Variants in SHLD1 observed in about 807,000 individuals in gnomAD.
SHLD1 encodes shieldin complex subunit 1.
A neutral mutation model predicts 5.5 loss-of-function variants in SHLD1; 3 were observed. The observed-to-expected ratio is 0.54, with a 90% CI of 0.25 to 1.40. The LOEUF is 1.40. Ranked by LOEUF, SHLD1 falls within the 40% of genes most tolerant of loss-of-function variation. The pLI, the probability that SHLD1 is intolerant of heterozygous loss-of-function variation, is 0.15. For missense variants in SHLD1, 210 were observed against 244.4 expected (o/e 0.86, Z 0.94); for synonymous variants, 92 against 94.3 (o/e 0.98, Z 0.14).
At chr20:5,816,856 G>C (rs919765000) in intron 2 of SHLD1, among the ~76,000 whole-genome samples, 2 of 152,202 alleles carry the variant, frequency 1.3e-5, no homozygotes, top group African/African-American at 2.4e-5. Flanking sequence ...GTTCACTTGA[G>C]CTCAGGAGTT....
intron 2 of SHLD1, among the ~76,000 whole-genome samples, chr20:5,822,337 T>C (rs2087615484): frequency 6.6e-6 from 1 of 152,076 alleles, no homozygotes; most frequent in Non-Finnish European, 1.5e-5. Context: ...CGGGTGCCTG[T>C]AGTGCCAGCT....
At chr20:5,785,663 G>T (rs1203889726) in intron 2 of SHLD1, among the ~76,000 whole-genome samples, 1 of 151,920 alleles carries the variant, frequency 6.6e-6, no homozygotes, top group East Asian at 1.9e-4. Context: ...GGGCATGGTG[G>T]TACACGCCTG....
intron 1 of SHLD1, among the ~76,000 whole-genome samples, chr20:5,758,997 C>A (rs113500316): frequency 6.7e-6 from 1 of 148,486 alleles, no homozygotes; most frequent in Non-Finnish European, 1.5e-5. Flanking sequence ...CACTGCCCAC[C>A]GGGATAGAGT....
At chr20:5,782,466 C>T (rs1322278098) in intron 2 of SHLD1, among the ~76,000 whole-genome samples, 1 of 152,152 alleles carries the variant, frequency 6.6e-6, no homozygotes, top group Non-Finnish European at 1.5e-5. Context: ...CGTTGTTAGA[C>T]ATTAACAATA....
At chr20:5,792,506 G>A (rs1176209865) in intron 2 of SHLD1, among the ~76,000 whole-genome samples, 1 of 151,876 alleles carries the variant, frequency 6.6e-6, no homozygotes, top group East Asian at 1.9e-4. Flanking sequence ...TGCAACCTCT[G>A]CTTCCTGGGT....
chr20:5,820,540 C>T (rs368283422), intron 2 of SHLD1, among the ~76,000 whole-genome samples: 2 of 152,266 alleles, frequency 1.3e-5, no homozygotes, highest in African/African-American at 4.8e-5. Flanking sequence ...AACCAGCCTC[C>T]AAGATGTTCA....
chr20:5,785,855 C>T (rs576918362), intron 2 of SHLD1, among the ~76,000 whole-genome samples: 1 of 151,150 alleles, frequency 6.6e-6, no homozygotes, highest in African/African-American at 2.4e-5. Flanking sequence ...GAGCTAGCAT[C>T]TTTCTACTAA....
intron 2 of SHLD1, among the ~76,000 whole-genome samples, chr20:5,791,563 C>CAAAAAAAAAAAAAAAAAAAAAAAGAAAAA (rs34606715): frequency 1.6e-5 from 1 of 61,018 alleles, no homozygotes; most frequent in Non-Finnish European, 2.9e-5. Context: ...GACCCTGTCT[C>CAAAAAAAAAAAAAAAAAAAAAAAGAAAAA]AAAAAAAAAA....
At chr20:5,764,148 ATATT>A (rs1300001009) in intron 1 of SHLD1, among the ~76,000 whole-genome samples, 11 of 54,470 alleles carry the variant, frequency 2.0e-4, no homozygotes, top group African/African-American at 7.8e-4. Flanking sequence ...AAATATATAT[ATATT>A]TATATTTATA....
At chr20:5,782,341 C>T (rs2086999351) in intron 2 of SHLD1, among the ~76,000 whole-genome samples, 1 of 152,174 alleles carries the variant, frequency 6.6e-6, no homozygotes, top group African/African-American at 2.4e-5. Context: ...ACTGCTAGAG[C>T]TTGATAAACT....
At chr20:5,783,113 A>G (rs527463191) in intron 2 of SHLD1, among the ~76,000 whole-genome samples, 6 of 152,352 alleles carry the variant, frequency 3.9e-5, no homozygotes, top group South Asian at 2.1e-4. Context: ...TGAGGACACA[A>G]TTGGGTACAT....
chr20:5,791,080 C>T (rs1034245291), intron 2 of SHLD1, among the ~76,000 whole-genome samples: 2 of 151,918 alleles, frequency 1.3e-5, no homozygotes, highest in Non-Finnish European at 2.9e-5. Flanking sequence ...AGAGGATCGC[C>T]TGATCCCAGG....
At chr20:5,849,274 C>T (rs377098228) in intron 2 of SHLD1, among the ~76,000 whole-genome samples, 12 of 152,084 alleles carry the variant, frequency 7.9e-5, no homozygotes, top group Middle Eastern at 3.2e-3. Context: ...AGCGAGGTGC[C>T]GATGGTTCAG....
intron 1 of SHLD1, among the ~76,000 whole-genome samples, chr20:5,769,969 A>C (rs1277341310): frequency 7.1e-6 from 1 of 141,798 alleles, no homozygotes; most frequent in Non-Finnish European, 1.5e-5. Context: ...GTGCCATTGC[A>C]CTCCAGCCTG....
At chr20:5,795,222 G>C (rs2087194051) in intron 2 of SHLD1, among the ~76,000 whole-genome samples, 1 of 150,378 alleles carries the variant, frequency 6.6e-6, no homozygotes, top group Admixed American at 6.7e-5. Context: ...CTGAGGGATA[G>C]AGTGAGACTC....
At chr20:5,773,469 G>A (rs1285364713) in intron 2 of SHLD1, 1 of 305,862 alleles carries the variant, frequency 3.3e-6, no homozygotes, top group East Asian at 6.0e-5. Context: ...AGTATGCTGT[G>A]GATTTAAGTA....
At chr20:5,836,711 CCT>C (rs36023091) in intron 2 of SHLD1, among the ~76,000 whole-genome samples, 54,667 of 151,938 alleles carry the variant, frequency 0.36, 12,022 homozygotes, top group East Asian at 0.62. Context: ...TGGGAGGATC[CCT>C]CTCTGGAAAA....
chr20:5,823,452 GT>G (rs35984067), intron 2 of SHLD1, among the ~76,000 whole-genome samples: 83,600 of 141,444 alleles, frequency 0.59, 26,115 homozygotes, highest in Non-Finnish European at 0.72. Flanking sequence ...GTTGTTTTTT[GT>G]TTTTTTTTTT....
At chr20:5,756,909 T>C (rs1050010244) in intron 1 of SHLD1, 3 of 164,450 alleles carry the variant, frequency 1.8e-5, no homozygotes, top group African/African-American at 7.2e-5. Context: ...TGAATGTCCC[T>C]GCCTAATTGC....
Sources: allele counts gnomAD v4.1 joint callset (sites outside exome capture counted in the v4.1 genomes callset), GRCh38; gene constraint gnomAD v4.1.1; transcripts MANE v1.5; gene names NCBI Gene and HGNC (gene_info 2026-07-23, HGNC 2026-07-21).